Variants in CDH12 observed in about 807,000 individuals in gnomAD.
The protein encoded by CDH12 is cadherin-12.
In CDH12, 41 loss-of-function variants were observed where a neutral mutation model predicts 74.1. That is an observed-to-expected ratio of 0.55 (90% CI 0.43 to 0.72). The LOEUF (loss-of-function observed/expected upper bound fraction) is 0.72. Among genes scored for constraint, CDH12 ranks in the 30% least tolerant of loss-of-function variants. The pLI, the probability that CDH12 is intolerant of heterozygous loss-of-function variation, is 0.00. For missense variants in CDH12, 945 were observed against 977.2 expected, an observed-to-expected ratio of 0.97 and a Z score of 0.44; for synonymous variants, 399 against 355.0, an observed-to-expected ratio of 1.12 and a Z score of -1.39.
chr5:22,583,996 C>T (rs529634757), intron 1 of CDH12, among the ~76,000 whole-genome samples: 60 of 151,740 alleles, frequency 4.0e-4, no homozygotes, highest in Admixed American at 8.6e-4. Context: ...CCTGGTTCTG[C>T]ACTAATGTAT....
chr5:22,407,249 T>C (rs1036584261), intron 2 of CDH12, among the ~76,000 whole-genome samples: 1 of 152,118 alleles, frequency 6.6e-6, no homozygotes, highest in Non-Finnish European at 1.5e-5. Flanking sequence ...CTCCTATGAT[T>C]GCATATTTTA....
intron 5 of CDH12, among the ~76,000 whole-genome samples, chr5:22,013,480 A>G (rs1737414077): frequency 1.3e-5 from 2 of 152,178 alleles, no homozygotes; most frequent in African/African-American, 4.8e-5. Flanking sequence ...ATATTCTTAA[A>G]TGCAAAAATT....
chr5:22,529,087 GCAA>G (rs1737429496), intron 1 of CDH12, among the ~76,000 whole-genome samples: 1 of 106,192 alleles, frequency 9.4e-6, no homozygotes, highest in Admixed American at 1.5e-4. Context: ...ATATATGCAT[GCAA>G]AACATGAATA....
intron 3 of CDH12, among the ~76,000 whole-genome samples, chr5:22,234,385 C>A (rs1026420904): frequency 3.3e-5 from 5 of 152,046 alleles, no homozygotes; most frequent in African/African-American, 1.2e-4. Context: ...TGACTGTGAA[C>A]AAGTCTCACA....
Position 22,717,618 on chromosome 5 carries a change from C to A in CDH12, c.-523+135440G>T, listed in dbSNP as rs369302966. ...AAGTTTAGAAGTGGTGGGTCGATATCCAATAAGAAGAAAAACATGTTTTCT... is the reference window on the plus strand; with the variant it reads ...AAGTTTAGAAGTGGTGGGTCGATATACAATAAGAAGAAAAACATGTTTTCT... On this transcript the variant is annotated intron_variant, in intron 1 of 14. Transcript: ENST00000382254. 2.0e-4 allele frequency among the ~76,000 whole-genome samples: 31 copies of A among 152,098 alleles called. No individual in the cohort carries two copies. The East Asian group carries it at 2.9e-3, about 14-fold the overall frequency.
At chr5:21,761,750 G>GATAGATAA (rs1744735572) in intron 12 of CDH12, among the ~76,000 whole-genome samples, 1 of 151,480 alleles carries the variant, frequency 6.6e-6, no homozygotes, top group Non-Finnish European at 1.5e-5. Context: ...GATATAGATA[G>GATAGATAA]ATAGATAGAT....
intron 1 of CDH12, among the ~76,000 whole-genome samples, chr5:22,623,863 C>T (rs1013991145): frequency 6.6e-6 from 1 of 152,160 alleles, no homozygotes; most frequent in African/African-American, 2.4e-5. Flanking sequence ...CCAAGACAAT[C>T]CTAAGCCAAA....
chr5:21,975,063 C>A, intron 6 of CDH12, 28 bp downstream of exon 6: 2 of 1,481,770 alleles, frequency 1.3e-6, no homozygotes, highest in South Asian at 1.2e-5. Flanking sequence ...CTCATTGTAT[C>A]TCACAGAATT....
intron 2 of CDH12, among the ~76,000 whole-genome samples, chr5:22,493,353 A>G (rs916512781): frequency 6.6e-6 from 1 of 152,204 alleles, no homozygotes; most frequent in African/African-American, 2.4e-5. Flanking sequence ...GGGAGCAGAA[A>G]CATACTGGGT....
intron 2 of CDH12, among the ~76,000 whole-genome samples, chr5:22,464,730 G>A (rs1422732556): frequency 2.0e-5 from 3 of 152,078 alleles, no homozygotes; most frequent in Non-Finnish European, 2.9e-5. Flanking sequence ...TGCCAGGCAC[G>A]GTGGCTCACG....
At chr5:21,926,691 A>G (rs1311472003) in intron 6 of CDH12, among the ~76,000 whole-genome samples, 1 of 152,212 alleles carries the variant, frequency 6.6e-6, no homozygotes, top group Non-Finnish European at 1.5e-5. Flanking sequence ...AGGAGGAAAG[A>G]AAAAGACTTG....
chr5:22,261,367 C>A (rs1247096303), intron 3 of CDH12, among the ~76,000 whole-genome samples: 1 of 151,870 alleles, frequency 6.6e-6, no homozygotes, highest in Non-Finnish European at 1.5e-5. Context: ...TTTCCCCACC[C>A]TTTTGGTCAT....
intron 1 of CDH12, among the ~76,000 whole-genome samples, chr5:22,713,591 T>G (rs1353318537): frequency 1.3e-5 from 2 of 152,042 alleles, no homozygotes; most frequent in Non-Finnish European, 2.9e-5. Context: ...ACTGCGTAAG[T>G]GTTTTCAATA....
intron 5 of CDH12, among the ~76,000 whole-genome samples, chr5:21,985,483 C>A (rs970895381): frequency 4.0e-5 from 6 of 151,812 alleles, no homozygotes; most frequent in African/African-American, 1.5e-4. Flanking sequence ...GTGGTAAGAC[C>A]CATTACCATT....
At chr5:22,213,797 C>T (rs1249260994) in intron 3 of CDH12, 2 of 152,114 alleles carry the variant, frequency 1.3e-5, no homozygotes, top group African/African-American at 4.8e-5. Flanking sequence ...AGAAAATTCT[C>T]ATTGCCAGAG....
At chr5:22,765,946 T>C (rs1746488490) in intron 1 of CDH12, among the ~76,000 whole-genome samples, 1 of 151,898 alleles carries the variant, frequency 6.6e-6, no homozygotes, top group African/African-American at 2.4e-5. Context: ...AAATGGTTAA[T>C]GAAGTTGAAA....
At chr5:22,105,731 A>G (rs986237505) in intron 4 of CDH12, among the ~76,000 whole-genome samples, 9 of 148,718 alleles carry the variant, frequency 6.1e-5, no homozygotes, top group Non-Finnish European at 8.9e-5. Flanking sequence ...ATAAAGTAAA[A>G]TAAAATAAAA....
intron 1 of CDH12, among the ~76,000 whole-genome samples, chr5:22,724,747 T>A (rs541379456): frequency 8.5e-5 from 13 of 152,048 alleles, no homozygotes; most frequent in Admixed American, 2.6e-4. Flanking sequence ...TGTTCCATCT[T>A]TTAAAAATAT....
chr5:22,749,535 A>G (rs1262855933), intron 1 of CDH12, among the ~76,000 whole-genome samples: 1 of 152,212 alleles, frequency 6.6e-6, no homozygotes, highest in Non-Finnish European at 1.5e-5. Flanking sequence ...GGTTTCCTAC[A>G]TAGAGACAAA....
Sources: allele counts gnomAD v4.1 joint callset (sites outside exome capture counted in the v4.1 genomes callset), GRCh38; gene constraint gnomAD v4.1.1; transcripts MANE v1.5; gene names NCBI Gene and HGNC (gene_info 2026-07-23, HGNC 2026-07-21).